The following TIAM1 variants were observed in gnomAD, a reference collection of about 807,000 sequenced individuals.
TIAM1 encodes the protein TIAM Rac1 associated GEF 1.
Under a neutral mutation model 163.5 loss-of-function variants are expected in TIAM1, and 65 were observed. The observed-to-expected ratio is 0.40, with a 90% CI of 0.33 to 0.49. The LOEUF (loss-of-function observed/expected upper bound fraction) is 0.49. Ranked by LOEUF, TIAM1 falls within the 20% of genes least tolerant of loss-of-function variation. The pLI is 0.77. For synonymous variants in TIAM1, 833 were observed against 810.1 expected (o/e 1.03, Z -0.48); for missense variants, 1,789 against 2,044.7 (o/e 0.87, Z 2.41).
Position 31,395,096 on chromosome 21 carries a change from G to A in TIAM1, c.-368-55674C>T, listed in dbSNP as rs1167776148. ...CTACCAAAAATACAAACATTAGCCA[G>A]GCATGGTGGCGCGTGCCTGTAGTCC... On this transcript the variant is annotated intron_variant, in intron 2 of 28. Transcript: ENST00000286827. The surrounding 1 kb of genome is among the most constrained non-coding windows in gnomAD (Gnocchi z 7.5). Among the ~76,000 whole-genome samples the A allele has an allele frequency of 2.0e-5, 3 of 152,092 alleles. No individual in the cohort carries two copies. Among genetic ancestry groups the A allele is most frequent in the African/African-American group, 7.2e-5 (3 of 41,416 alleles).
intron 27 of TIAM1, among the ~76,000 whole-genome samples, chr21:31,121,987 C>T (rs919628255): frequency 6.6e-6 from 1 of 152,114 alleles, no homozygotes; most frequent in African/African-American, 2.4e-5. Context: ...AACCTAAGCC[C>T]CAGAACCATC....
chr21:31,298,735 G>GGTGTGT (rs147701527), intron 2 of TIAM1, among the ~76,000 whole-genome samples: 26,451 of 138,352 alleles, frequency 0.19, 2,669 homozygotes, highest in South Asian at 0.35. Flanking sequence ...TCCAATTGAG[G>GGTGTGT]GTGTGTGTGT....
At chr21:31,176,389 T>A (rs2084766397) in intron 15 of TIAM1, among the ~76,000 whole-genome samples, 1 of 152,148 alleles carries the variant, frequency 6.6e-6, no homozygotes, top group African/African-American at 2.4e-5. Flanking sequence ...CTTCCCTTTT[T>A]TTCCTACCAA....
intron 20 of TIAM1, among the ~76,000 whole-genome samples, chr21:31,146,627 C>T (rs184044926): frequency 2.1e-3 from 313 of 150,056 alleles, no homozygotes; most frequent in African/African-American, 7.5e-3. Flanking sequence ...AGGAGAATCA[C>T]TTGAACCTGG....
chr21:31,326,446 A>G (rs1292680167), intron 2 of TIAM1, among the ~76,000 whole-genome samples: 1 of 152,218 alleles, frequency 6.6e-6, no homozygotes, highest in Non-Finnish European at 1.5e-5. Flanking sequence ...TCCCAAACTA[A>G]AAAGATAGAA....
At chr21:31,235,219 T>C (rs1280859270) in intron 6 of TIAM1, among the ~76,000 whole-genome samples, 2 of 151,990 alleles carry the variant, frequency 1.3e-5, no homozygotes, top group Non-Finnish European at 2.9e-5. Flanking sequence ...AAAATATCAC[T>C]GCCACATAAC....
intron 2 of TIAM1, among the ~76,000 whole-genome samples, chr21:31,429,144 T>G (rs1011591418): frequency 6.6e-6 from 1 of 151,878 alleles, no homozygotes; most frequent in African/African-American, 2.4e-5. Flanking sequence ...GGACCACAGG[T>G]GTGCACATGA....
chr21:31,531,688 T>A (rs1267931427), intron 1 of TIAM1, among the ~76,000 whole-genome samples: 1 of 151,672 alleles, frequency 6.6e-6, no homozygotes, highest in Non-Finnish European at 1.5e-5. Context: ...TGCTTTTTTT[T>A]ACTCACCATT....
intron 2 of TIAM1, among the ~76,000 whole-genome samples, chr21:31,294,521 C>T (rs2074157818): frequency 6.6e-6 from 1 of 152,122 alleles, no homozygotes; most frequent in Non-Finnish European, 1.5e-5. Context: ...AACCTGTTAA[C>T]TTCGGGAAAA....
chr21:31,449,170 G>A (rs2147320227), intron 2 of TIAM1, among the ~76,000 whole-genome samples: 1 of 152,074 alleles, frequency 6.6e-6, no homozygotes, highest in Non-Finnish European at 1.5e-5. Context: ...TCACCATGTT[G>A]CCCAGGCTGG....
chr21:31,183,693 A>G (rs1457436482), intron 14 of TIAM1, among the ~76,000 whole-genome samples: 2 of 151,308 alleles, frequency 1.3e-5, no homozygotes, highest in Non-Finnish European at 2.9e-5. Context: ...AATATCTGAA[A>G]TCATTTTTTT....
intron 2 of TIAM1, among the ~76,000 whole-genome samples, chr21:31,311,537 C>T (rs1031579421): frequency 1.3e-5 from 2 of 152,102 alleles, no homozygotes; most frequent in African/African-American, 4.8e-5. Flanking sequence ...CCATTTCTGC[C>T]ACATTGGAAT....
At chr21:31,199,910 T>TAAAA (rs113858336) in intron 12 of TIAM1, among the ~76,000 whole-genome samples, 6 of 130,952 alleles carry the variant, frequency 4.6e-5, no homozygotes, top group South Asian at 4.9e-4. Flanking sequence ...AACATCACAT[T>TAAAA]AAAAAAAAAA....
chr21:31,481,869 G>T (rs866162927), intron 1 of TIAM1, among the ~76,000 whole-genome samples: 11 of 151,932 alleles, frequency 7.2e-5, no homozygotes, highest in Admixed American at 2.0e-4. Context: ...TCAATCTCTC[G>T]CCCCTCTCTC....
At chr21:31,355,621 G>A (rs769463209) in intron 2 of TIAM1, among the ~76,000 whole-genome samples, 22 of 151,492 alleles carry the variant, frequency 1.5e-4, no homozygotes, top group African/African-American at 3.2e-4. Flanking sequence ...ATGTGATCTC[G>A]GCTCACTGCA....
At chr21:31,232,206 T>C (rs1171946529) in intron 6 of TIAM1, among the ~76,000 whole-genome samples, 1 of 152,132 alleles carries the variant, frequency 6.6e-6, no homozygotes, top group Non-Finnish European at 1.5e-5. Context: ...GAAGCATATA[T>C]AGAAATGTGT....
At chr21:31,412,191 G>GCA (rs913607965) in intron 2 of TIAM1, among the ~76,000 whole-genome samples, 1 of 152,176 alleles carries the variant, frequency 6.6e-6, no homozygotes, top group African/African-American at 2.4e-5. Flanking sequence ...GACAAGTATT[G>GCA]CAAGTGCTCA....
chr21:31,477,854 G>C (rs1270631974), intron 1 of TIAM1, among the ~76,000 whole-genome samples: 1 of 152,206 alleles, frequency 6.6e-6, no homozygotes, highest in African/African-American at 2.4e-5. Flanking sequence ...TCCTTGGGAA[G>C]CAAGTGAAGT....
chr21:31,130,269 C>G lies in TIAM1; in HGVS notation c.3989G>C (p.Arg1330Thr). The G allele has an allele frequency of 1.2e-6, 2 of 1,614,120 alleles. No individual in the cohort carries two copies. Among genetic ancestry groups the G allele is most frequent in the Non-Finnish European group, 1.7e-6 (2 of 1,180,016 alleles). The stretch of plus-strand genomic sequence containing the variant: ...TTCCGTGGGGATCATGTGTCGAAAT[C>G]TGAAGGGGTCCCAGTCCTCATAAAT... ...LSIYEDWDPF[R>T]FRHMIPTEAL... Residue 1330 changes from arginine to threonine, a missense_variant, in exon 25 of 28, where the codon AGA becomes ACA. By Grantham distance (71) the Arg-to-Thr change is moderately conservative. Around this residue, in one of 5 missense-constraint regions of TIAM1, gnomAD observed 415 missense variants for 439.2 expected, o/e 0.94. Coordinates refer to ENST00000541036, the MANE Select transcript of TIAM1 (RefSeq NM_001353694.2).
Sources: gnomAD v4.1 joint callset for allele counts (sites outside exome capture counted in the v4.1 genomes callset) on GRCh38, gnomAD v4.1.1 for gene constraint, gnomAD v4.1.1 regional missense constraint, Gnocchi (gnomAD v3.1) non-coding constraint, MANE v1.5 for transcripts, NCBI Gene and HGNC (gene_info 2026-07-23, HGNC 2026-07-21) for gene names.